Variants in FAM169A observed in about 807,000 individuals in gnomAD.
FAM169A encodes the protein soluble lamin-associated protein of 75 kDa.
FAM169A carries 24 observed loss-of-function variants against 75.7 expected under a neutral mutation model. The ratio of observed to expected loss-of-function variants is 0.32; its 90% CI spans 0.23 to 0.45. The LOEUF is 0.45. Among genes scored for constraint, FAM169A ranks in the 20% least tolerant of loss-of-function variants. The probability of loss-of-function intolerance (pLI) is 1.00; values close to 1 mark genes in which losing one functional copy is unlikely to be tolerated. For synonymous variants in FAM169A, 271 were observed against 271.0 expected (o/e 1.00, Z 0.00); for missense variants, 673 against 784.0 (o/e 0.86, Z 1.69).
intron 11 of FAM169A, among the ~76,000 whole-genome samples, chr5:74,790,864 T>C (rs1034084788): frequency 6.6e-6 from 1 of 152,158 alleles, no homozygotes; most frequent in Non-Finnish European, 1.5e-5. Context: ...TGGTGGCAGG[T>C]TGATTACACT....
At chr5:74,799,553 G>A in intron 10 of FAM169A, 1 of 1,522,272 alleles carries the variant, frequency 6.6e-7, no homozygotes, top group South Asian at 1.1e-5. Flanking sequence ...CCCTGGGACA[G>A]CAAGATGCTT....
chr5:74,859,579 C>A (rs1192852013), intron 1 of FAM169A, among the ~76,000 whole-genome samples: 1 of 152,150 alleles, frequency 6.6e-6, no homozygotes, highest in African/African-American at 2.4e-5. Flanking sequence ...TGAGCCACCA[C>A]GCCCGGCGAA....
chr5:74,809,595 CA>C (rs372559038), intron 6 of FAM169A, among the ~76,000 whole-genome samples: 2 of 144,716 alleles, frequency 1.4e-5, no homozygotes, highest in Non-Finnish European at 1.5e-5. Flanking sequence ...GACTACGTCT[CA>C]AAAAAAAAAC....
At chr5:74,822,149 CA>C (rs1221110634) in intron 5 of FAM169A, among the ~76,000 whole-genome samples, 1 of 152,198 alleles carries the variant, frequency 6.6e-6, no homozygotes, top group African/African-American at 2.4e-5. Context: ...ACAGGCTACA[CA>C]AGGATGTAAA....
At chr5:74,864,667 A>G (rs1750218750) in intron 1 of FAM169A, among the ~76,000 whole-genome samples, 2 of 152,370 alleles carry the variant, frequency 1.3e-5, no homozygotes, top group East Asian at 1.9e-4. Context: ...TGGAAGGTCA[A>G]TGTTGCTACT....
Position 74,834,599 on chromosome 5 carries a change from T to A in FAM169A, c.319-2A>T. On this transcript the variant is annotated splice_acceptor_variant, in intron 4 of 12. Transcript: ENST00000687041. LOFTEE classifies it high-confidence loss of function. ...CACTCTCTCCCCAAGAGTGCTCACC[T>A]ACAAAGAGAGTCAAACACCAGGCAC... is the stretch of plus-strand genomic sequence containing the variant. 1 of 1,525,744 alleles carries A rather than the reference T, an allele frequency of 6.6e-7. No individual in the cohort carries two copies. Among genetic ancestry groups the A allele is most frequent in the Non-Finnish European group, 8.8e-7 (1 of 1,140,694 alleles). 94.5% of individuals were successfully genotyped at this position (1,525,744 alleles called of 1,614,324 possible).
At chr5:74,783,401 A>G (rs1363922466) in intron 11 of FAM169A, among the ~76,000 whole-genome samples, 1 of 152,218 alleles carries the variant, frequency 6.6e-6, no homozygotes, top group Non-Finnish European at 1.5e-5. Context: ...GTGGACACAC[A>G]GTATGGGTCG....
intron 1 of FAM169A, among the ~76,000 whole-genome samples, chr5:74,853,247 CT>C (rs1561326106): frequency 6.6e-6 from 1 of 152,146 alleles, no homozygotes; most frequent in South Asian, 2.1e-4. Context: ...CATTTACAAT[CT>C]TTTTTTAAAC....
chr5:74,865,671 G>A (rs1487174439), intron 1 of FAM169A: 1 of 152,352 alleles, frequency 6.6e-6, no homozygotes, highest in Admixed American at 6.5e-5. Context: ...GTAGTTACAG[G>A]TAAAGGAAGG....
intron 1 of FAM169A, among the ~76,000 whole-genome samples, chr5:74,846,476 T>C (rs75821670): frequency 1.3e-5 from 2 of 152,356 alleles, no homozygotes; most frequent in East Asian, 3.9e-4. Context: ...TTTCACTTAC[T>C]GTTACTATGA....
Position 74,866,261 on chromosome 5 carries a change from C to T in FAM169A, c.-100G>A. ...GCGGCTGCTCGCTGGCGACCTCCGG[C>T]CGGTCCCAGGCCGCACAGCTCGCGG... On this transcript the variant is annotated 5_prime_UTR_variant, in exon 1 of 13. Coordinates refer to ENST00000687041, the MANE Select transcript of FAM169A (RefSeq NM_001376049.1). 2.0e-6 allele frequency: 2 copies of T among 984,064 alleles called. No homozygotes were observed. Among genetic ancestry groups the T allele is most frequent in the Non-Finnish European group, 2.4e-6 (2 of 829,330 alleles). The allele number at this position is 984,064 out of a possible 1,614,324, so 61.0% of individuals were successfully genotyped here.
Position 74,781,321 on chromosome 5 carries a change from A to C in FAM169A, c.*139T>G, listed in dbSNP as rs1056360942. ...AATTCTACGTTCTAAAGGGAAGCAA[A>C]AAACTGCATAGTAAGTAAGTTCAAA... is the stretch of plus-strand genomic sequence containing the variant. On this transcript the variant is annotated 3_prime_UTR_variant, in exon 13 of 13. Coordinates refer to ENST00000687041, the MANE Select transcript of FAM169A (RefSeq NM_001376049.1). 2 of 732,342 alleles carry C rather than the reference A, an allele frequency of 2.7e-6. No individual in the cohort carries two copies. Among genetic ancestry groups the C allele is most frequent in the Non-Finnish European group, 4.4e-6 (2 of 452,570 alleles). 45.4% of individuals were successfully genotyped at this position (732,342 alleles called of 1,614,324 possible).
At chr5:74,833,820 G>A (rs2112648543) in intron 5 of FAM169A, among the ~76,000 whole-genome samples, 1 of 152,320 alleles carries the variant, frequency 6.6e-6, no homozygotes, top group Non-Finnish European at 1.5e-5. Context: ...CTAGGGAGCT[G>A]AATGAATGGG....
rs952615019 is a variant in FAM169A, at chr5:74,778,538, T to C, written c.*2922A>G. 6 of 152,020 alleles carry C rather than the reference T, an allele frequency of 3.9e-5. No homozygotes were observed. The highest frequency in any genetic ancestry group is 5.9e-5 in the Non-Finnish European group (4 of 67,900). 9.4% of individuals were successfully genotyped at this position (152,020 alleles called of 1,614,324 possible). A position where few individuals can be genotyped will look rare whatever the true frequency, so the allele number is the denominator to read the frequency against. ...CCATCTACACTGAATGGAAATACCA[T>C]GAATATAGACACATTTTAAGTAGAA... On this transcript the variant is annotated 3_prime_UTR_variant, in exon 13 of 13. Coordinates refer to ENST00000687041, the MANE Select transcript of FAM169A (RefSeq NM_001376049.1).
intron 8 of FAM169A, 122 bp from the exon 9 acceptor site, chr5:74,801,751 C>G: frequency 4.2e-6 from 3 of 717,404 alleles, no homozygotes; most frequent in East Asian, 2.5e-5. Flanking sequence ...TTTTTGTTAA[C>G]AACATTTACT....
rs528711650 is a variant in FAM169A, at chr5:74,812,647, C to A, written c.670+1193G>T. On this transcript the variant is annotated intron_variant, in intron 6 of 12. Coordinates refer to ENST00000687041, the MANE Select transcript of FAM169A (RefSeq NM_001376049.1). ...TTAAAAGCTACCATAAACAAATAAC[C>A]CCCCCCCAAAATGGTCAAAGGATCT... 7.3e-5 allele frequency among the ~76,000 whole-genome samples: 11 copies of A among 151,490 alleles called. No homozygotes were observed. The South Asian group carries it at 1.9e-3, about 26-fold the overall frequency.
chr5:74,805,466 T>C (rs2112544662), intron 6 of FAM169A, among the ~76,000 whole-genome samples, 182 bp from the exon 7 acceptor site: 1 of 144,584 alleles, frequency 6.9e-6, no homozygotes, highest in East Asian at 2.1e-4. Flanking sequence ...TAAATAAAAA[T>C]CCCAAATAAA....
At chr5:74,804,324 A>G (rs529541524) in intron 8 of FAM169A, among the ~76,000 whole-genome samples, 169 bp downstream of exon 8, 14 of 152,184 alleles carry the variant, frequency 9.2e-5, no homozygotes, top group Non-Finnish European at 1.6e-4. Flanking sequence ...AAAGAAAATT[A>G]AAGTCCTTAG....
intron 11 of FAM169A, among the ~76,000 whole-genome samples, chr5:74,793,739 C>T (rs1184502932): frequency 6.6e-6 from 1 of 152,144 alleles, no homozygotes; most frequent in Non-Finnish European, 1.5e-5. Context: ...CACAGTGGCT[C>T]AAGCCTATAA....
Sources: allele counts gnomAD v4.1 joint callset (sites outside exome capture counted in the v4.1 genomes callset), GRCh38; gene constraint gnomAD v4.1.1; transcripts MANE v1.5; gene names NCBI Gene and HGNC (gene_info 2026-07-23, HGNC 2026-07-21).